Variants in ANO6 observed in about 807,000 individuals in gnomAD.
ANO6 encodes the protein anoctamin-6.
Under a neutral mutation model 117.5 loss-of-function variants are expected in ANO6, and 106 were observed. The observed-to-expected ratio is 0.90, with a 90% confidence interval of 0.77 to 1.06. The LOEUF is 1.06. Among genes scored for constraint, ANO6 ranks in the 50% least tolerant of loss-of-function variants. The probability of loss-of-function intolerance (pLI) is 0.00; values close to 1 mark genes in which losing one functional copy is unlikely to be tolerated. For synonymous variants in ANO6, 367 were observed against 385.1 expected (o/e 0.95, Z 0.55); for missense variants, 955 against 1,121.1 (o/e 0.85, Z 2.12).
intron 1 of ANO6, among the ~76,000 whole-genome samples, chr12:45,293,974 C>G (rs1939205658): frequency 6.6e-6 from 1 of 151,932 alleles, no homozygotes; most frequent in African/African-American, 2.4e-5. Flanking sequence ...CAAATTAGTG[C>G]TATAGGAGCA....
downstream of ANO6, among the ~76,000 whole-genome samples, chr12:45,432,686 A>G (rs1943660194): frequency 3.3e-5 from 5 of 152,218 alleles, no homozygotes; most frequent in South Asian, 1.0e-3. Context: ...GCACTTATAA[A>G]TGTAGCATAT....
chr12:45,257,984 C>A (rs115917603), intron 1 of ANO6, among the ~76,000 whole-genome samples: 1 of 151,776 alleles, frequency 6.6e-6, no homozygotes. Flanking sequence ...ATTCCCAAAG[C>A]GATTTTTCTG....
At chr12:45,227,776 C>T (rs1273123377) in intron 1 of ANO6, among the ~76,000 whole-genome samples, 2 of 152,140 alleles carry the variant, frequency 1.3e-5, no homozygotes, top group Non-Finnish European at 2.9e-5. Context: ...CCTGTAGGAA[C>T]TGCTCAACAA....
chr12:45,245,360 A>G (rs1203693621), intron 1 of ANO6, among the ~76,000 whole-genome samples: 1 of 151,970 alleles, frequency 6.6e-6, no homozygotes, highest in African/African-American at 2.4e-5. Context: ...ATAATTGTTA[A>G]TATAAATATT....
At chr12:45,377,530 A>G (rs1426390125) in intron 9 of ANO6, among the ~76,000 whole-genome samples, 1 of 152,236 alleles carries the variant, frequency 6.6e-6, no homozygotes. Flanking sequence ...TTAAGAAAAC[A>G]GAGTTCTCCT....
intron 1 of ANO6, among the ~76,000 whole-genome samples, chr12:45,291,976 A>C (rs1479311343): frequency 1.3e-5 from 2 of 152,204 alleles, no homozygotes; most frequent in African/African-American, 4.8e-5. Flanking sequence ...TACACCCAAA[A>C]GAATTGAAAA....
intron 3 of ANO6, 102 bp downstream of exon 3, chr12:45,331,525 T>C (rs1940666324): frequency 9.1e-7 from 1 of 1,099,508 alleles, no homozygotes; most frequent in Non-Finnish European, 1.3e-6. Flanking sequence ...TGTTGAAATA[T>C]CATACACAAA....
intron 16 of ANO6, among the ~76,000 whole-genome samples, chr12:45,415,069 T>C (rs1054215186): frequency 8.5e-6 from 1 of 117,264 alleles, no homozygotes; most frequent in African/African-American, 3.9e-5. Flanking sequence ...ACCTGTCAGC[T>C]TTTTTTTCTT....
At position 45,246,520 on chromosome 12, in the gene ANO6, A is replaced by G. The variant is rs192005496; in HGVS notation, c.70+30129A>G. Among the ~76,000 whole-genome samples the G allele has an allele frequency of 5.9e-5, 9 of 152,292 alleles. No homozygotes were observed. The South Asian group carries it at 1.9e-3, about 32-fold the overall frequency. On this transcript the variant is annotated intron_variant, in intron 1 of 19. Transcript: ENST00000320560. ...AAGTTTACCAGCAGCCTGTGATAAT[A>G]TAGGGACACCAGCTGTGGAAGTAGA... is the stretch of plus-strand genomic sequence containing the variant.
At chr12:45,245,970 A>G (rs1737046966) in intron 1 of ANO6, among the ~76,000 whole-genome samples, 1 of 151,858 alleles carries the variant, frequency 6.6e-6, no homozygotes, top group African/African-American at 2.4e-5. Context: ...ACCCAAGAAC[A>G]TTATTAAGTT....
chr12:45,395,807 A>C (rs904508621), intron 12 of ANO6, among the ~76,000 whole-genome samples: 3 of 152,118 alleles, frequency 2.0e-5, no homozygotes, highest in African/African-American at 7.2e-5. Context: ...CCTGCTAAAA[A>C]CTCTCAATAA....
At chr12:45,250,456 G>T (rs543805847) in intron 1 of ANO6, among the ~76,000 whole-genome samples, 1 of 152,270 alleles carries the variant, frequency 6.6e-6, no homozygotes, top group Non-Finnish European at 1.5e-5. Flanking sequence ...ACAGTGGCAC[G>T]ATTACAGCTC....
At chr12:45,426,436 C>T (rs1468967735) in intron 19 of ANO6, among the ~76,000 whole-genome samples, 2 of 152,172 alleles carry the variant, frequency 1.3e-5, no homozygotes, top group African/African-American at 4.8e-5. Flanking sequence ...CTCTTTGTGG[C>T]CAGCGCCGTT....
intron 12 of ANO6, among the ~76,000 whole-genome samples, chr12:45,399,473 C>T (rs112346592): frequency 0.011 from 1,645 of 152,162 alleles, 28 homozygotes; most frequent in African/African-American, 0.034. Flanking sequence ...GGATTACAGG[C>T]GTGAGCCACC....
chr12:45,232,967 A>C (rs183672418), intron 1 of ANO6, among the ~76,000 whole-genome samples: 130 of 152,350 alleles, frequency 8.5e-4, no homozygotes, highest in African/African-American at 3.0e-3. Context: ...GAGCAGGTAC[A>C]TCTGTTCCCT....
chr12:45,424,078 A>T (rs1943433137), intron 19 of ANO6, among the ~76,000 whole-genome samples: 1 of 151,596 alleles, frequency 6.6e-6, no homozygotes. Context: ...CAAGTAACTC[A>T]CGGTTAGTAT....
At chr12:45,222,857 G>T (rs1458953881) in intron 1 of ANO6, among the ~76,000 whole-genome samples, 1 of 152,178 alleles carries the variant, frequency 6.6e-6, no homozygotes, top group African/African-American at 2.4e-5. Flanking sequence ...GATCAGACAG[G>T]CCTTGCTGGG....
chr12:45,314,883 A>G (rs190487087), intron 2 of ANO6, among the ~76,000 whole-genome samples: 123 of 152,240 alleles, frequency 8.1e-4, no homozygotes, highest in Middle Eastern at 3.4e-3. Context: ...ATATCTAACT[A>G]TCACAGTGGA....
At position 45,320,058 on chromosome 12, in the gene ANO6, C is replaced by T. The variant is rs140887799; in HGVS notation, c.151-11237C>T. Among the ~76,000 whole-genome samples, 1,216 of 152,162 alleles carry T rather than the reference C, an allele frequency of 8.0e-3. 15 individuals are homozygous for T. The highest frequency in any genetic ancestry group is 0.028 in the African/African-American group (1,172 of 41,506). On this transcript the variant is annotated intron_variant, in intron 2 of 19. Transcript: ENST00000320560. ...GGTCTATCAGTTTTGTTGATCATTT[C>T]AAAAAACCAGCTCCTGGATTCATTG... is the stretch of plus-strand genomic sequence containing the variant.
Sources: allele counts gnomAD v4.1 joint callset (sites outside exome capture counted in the v4.1 genomes callset), GRCh38; gene constraint gnomAD v4.1.1; transcripts MANE v1.5; gene names NCBI Gene and HGNC (gene_info 2026-07-23, HGNC 2026-07-21).